Variants in CCSER1 observed in about 807,000 individuals in gnomAD.
CCSER1 encodes coiled-coil serine rich protein 1.
Under a neutral mutation model 82.0 loss-of-function variants are expected in CCSER1, and 41 were observed. The ratio of observed to expected loss-of-function variants is 0.50; its 90% CI spans 0.39 to 0.65. CCSER1 has a LOEUF of 0.65. Ranked by LOEUF, CCSER1 falls within the 30% of genes least tolerant of loss-of-function variation. CCSER1 has a pLI of 0.00. For missense variants in CCSER1, 1,119 were observed against 1,064.2 expected, an observed-to-expected ratio of 1.05 and a Z score of -0.72; for synonymous variants, 414 against 383.9, an observed-to-expected ratio of 1.08 and a Z score of -0.92.
intron 6 of CCSER1, among the ~76,000 whole-genome samples, chr4:90,658,309 A>AAG: frequency 6.6e-6 from 1 of 152,200 alleles, no homozygotes; most frequent in Non-Finnish European, 1.5e-5. Flanking sequence ...TTTGCAGGCA[A>AAG]TTAAGTTCTA....
intron 7 of CCSER1, among the ~76,000 whole-genome samples, chr4:90,743,421 C>A (rs1268245769): frequency 1.3e-5 from 2 of 152,150 alleles, no homozygotes; most frequent in Non-Finnish European, 2.9e-5. Context: ...ATATTATTAG[C>A]AGTCGGTTTA....
intron 7 of CCSER1, among the ~76,000 whole-genome samples, chr4:90,792,149 C>T (rs956835497): frequency 6.6e-6 from 1 of 152,114 alleles, no homozygotes; most frequent in African/African-American, 2.4e-5. Flanking sequence ...GTCATATTAT[C>T]TGTAATTCCT....
chr4:90,551,294 A>G (rs936861549), intron 5 of CCSER1, among the ~76,000 whole-genome samples: 1 of 152,184 alleles, frequency 6.6e-6, no homozygotes, highest in Non-Finnish European at 1.5e-5. Flanking sequence ...TATAAAAGCC[A>G]GTAAGATCTG....
intron 6 of CCSER1, among the ~76,000 whole-genome samples, chr4:90,652,242 T>C (rs945402858): frequency 3.3e-5 from 5 of 152,286 alleles, no homozygotes; most frequent in African/African-American, 7.2e-5. Flanking sequence ...CTTAGGAATA[T>C]AATTTTTGTA....
chr4:91,245,764 T>G (rs192121965), intron 10 of CCSER1, among the ~76,000 whole-genome samples: 353 of 152,332 alleles, frequency 2.3e-3, no homozygotes, highest in African/African-American at 7.8e-3. Flanking sequence ...TGGCATGATC[T>G]CAGCTCACTG....
At chr4:91,396,002 C>G (rs1284787699) in intron 10 of CCSER1, among the ~76,000 whole-genome samples, 1 of 152,094 alleles carries the variant, frequency 6.6e-6, no homozygotes, top group Non-Finnish European at 1.5e-5. Context: ...ATGCCTGCCC[C>G]TGCTTCTTCG....
At chr4:90,713,359 ATTTG>A (rs1741012294) in intron 6 of CCSER1, among the ~76,000 whole-genome samples, 2 of 151,846 alleles carry the variant, frequency 1.3e-5, no homozygotes, top group South Asian at 4.2e-4. Context: ...TTCCCTAAGC[ATTTG>A]TTTGTTTGAA....
intron 9 of CCSER1, among the ~76,000 whole-genome samples, chr4:91,053,827 T>C (rs1005290311): frequency 2.0e-5 from 3 of 152,212 alleles, no homozygotes; most frequent in African/African-American, 7.2e-5. Context: ...CATTTACACA[T>C]CTTGTACTGT....
At chr4:91,387,150 A>G (rs1751348904) in intron 10 of CCSER1, among the ~76,000 whole-genome samples, 1 of 152,074 alleles carries the variant, frequency 6.6e-6, no homozygotes, top group South Asian at 2.1e-4. Context: ...CTGCAAGAGG[A>G]TGCCCTTGTT....
chr4:90,947,001 C>G (rs1014267606), intron 9 of CCSER1, among the ~76,000 whole-genome samples: 2 of 151,986 alleles, frequency 1.3e-5, no homozygotes, highest in African/African-American at 4.8e-5. Flanking sequence ...CAATCCTCCT[C>G]TGTTATGTTG....
chr4:90,284,990 G>A (rs1729600101), intron 1 of CCSER1, among the ~76,000 whole-genome samples: 1 of 151,936 alleles, frequency 6.6e-6, no homozygotes, highest in Admixed American at 6.6e-5. Flanking sequence ...TGTTCAATTG[G>A]TCTACATGTT....
chr4:90,232,454 C>A (rs1316323310), intron 1 of CCSER1, among the ~76,000 whole-genome samples: 2 of 152,112 alleles, frequency 1.3e-5, no homozygotes, highest in Non-Finnish European at 2.9e-5. Flanking sequence ...CTTCCTTACA[C>A]CTTATACAGA....
chr4:90,943,630 A>G (rs1351214943), intron 9 of CCSER1, among the ~76,000 whole-genome samples: 1 of 151,386 alleles, frequency 6.6e-6, no homozygotes, highest in Non-Finnish European at 1.5e-5. Context: ...TGGTGCGATC[A>G]TGGCTCACTG....
intron 1 of CCSER1, among the ~76,000 whole-genome samples, chr4:90,139,840 A>T (rs1165758418): frequency 6.6e-6 from 1 of 152,110 alleles, no homozygotes; most frequent in East Asian, 1.9e-4. Flanking sequence ...GGTATCTGTA[A>T]TCTCAGCTAC....
At chr4:90,873,169 G>A (rs150020887) in intron 8 of CCSER1, among the ~76,000 whole-genome samples, 50 of 151,964 alleles carry the variant, frequency 3.3e-4, no homozygotes, top group African/African-American at 9.2e-4. Flanking sequence ...TTTCTACCCC[G>A]ATCTCTCTGT....
intron 10 of CCSER1, among the ~76,000 whole-genome samples, chr4:91,266,276 G>C (rs1741570902): frequency 6.6e-6 from 1 of 151,508 alleles, no homozygotes; most frequent in Admixed American, 6.6e-5. Flanking sequence ...TTTTGAGACA[G>C]AGTCTCACTC....
intron 3 of CCSER1, among the ~76,000 whole-genome samples, chr4:90,391,012 C>G (rs1009152464): frequency 2.6e-5 from 4 of 151,060 alleles, no homozygotes; most frequent in Non-Finnish European, 5.9e-5. Context: ...GCCTGTAATC[C>G]CAGCACTTTG....
chr4:90,557,732 C>T (rs1579147486), intron 5 of CCSER1, among the ~76,000 whole-genome samples: 1 of 152,048 alleles, frequency 6.6e-6, no homozygotes, highest in East Asian at 1.9e-4. Flanking sequence ...CTAGCAAACT[C>T]TGAAGGTGTT....
At chr4:91,414,327 C>T (rs1753228956) in intron 10 of CCSER1, among the ~76,000 whole-genome samples, 1 of 151,898 alleles carries the variant, frequency 6.6e-6, no homozygotes, top group Non-Finnish European at 1.5e-5. Flanking sequence ...TTCTTCCATG[C>T]AATTGAAGTT....
Sources: allele counts gnomAD v4.1 joint callset (sites outside exome capture counted in the v4.1 genomes callset), GRCh38; gene constraint gnomAD v4.1.1; transcripts MANE v1.5; gene names NCBI Gene and HGNC (gene_info 2026-07-23, HGNC 2026-07-21).